The following DUS2 variants were observed in gnomAD, a reference collection of about 807,000 sequenced individuals.
DUS2 encodes tRNA-dihydrouridine(20) synthase [NAD(P)+]-like.
Under a neutral mutation model 71.3 loss-of-function variants are expected in DUS2, and 52 were observed. That is an observed-to-expected ratio of 0.73 (90% CI 0.58 to 0.92). The LOEUF is 0.92. Among genes scored for constraint, DUS2 ranks in the 40% least tolerant of loss-of-function variants. DUS2 has a pLI of 0.00. For synonymous variants in DUS2, 204 were observed against 227.8 expected, an observed-to-expected ratio of 0.90 and a Z score of 0.94; for missense variants, 558 against 622.6, an observed-to-expected ratio of 0.90 and a Z score of 1.10.
chr16:68,073,449 CTTTTTTTTTT>C (rs1213508148), intron 12 of DUS2, among the ~76,000 whole-genome samples: 1 of 111,848 alleles, frequency 8.9e-6, no homozygotes, highest in Non-Finnish European at 1.9e-5. Flanking sequence ...TTTTCTTTTT[CTTTTTTTTTT>C]TTTTTTTGAG....
At chr16:68,060,350 G>A (rs980846970) in intron 7 of DUS2, among the ~76,000 whole-genome samples, 2 of 152,112 alleles carry the variant, frequency 1.3e-5, no homozygotes, top group Admixed American at 6.5e-5. Context: ...GTCTTGCCCT[G>A]TCAACCAGGC....
chr16:68,050,837 TC>T (rs1041060883), intron 4 of DUS2, among the ~76,000 whole-genome samples: 39 of 152,338 alleles, frequency 2.6e-4, no homozygotes, highest in African/African-American at 9.1e-4. Context: ...TAACAGGGGT[TC>T]CCAGTATTTT....
Position 68,023,299 on chromosome 16 carries a change from G to T in DUS2, c.-151G>T. 1 of 1,370,268 alleles carries T rather than the reference G, an allele frequency of 7.3e-7. No homozygotes were observed. The highest frequency in any genetic ancestry group is 1.4e-5 in the South Asian group (1 of 70,760). 84.9% of individuals were successfully genotyped at this position (1,370,268 alleles called of 1,614,324 possible). On this transcript the variant is annotated 5_prime_UTR_variant, in exon 1 of 17. Coordinates refer to ENST00000565263, the MANE Select transcript of DUS2 (RefSeq NM_017803.5). The stretch of plus-strand genomic sequence containing the variant: ...GGCGAGGCTCAGTACGGTGTGTGGA[G>T]CTGGAGCACCGTGAGGAAGAAGCGA...
intron 4 of DUS2, among the ~76,000 whole-genome samples, chr16:68,053,213 G>A (rs1443687126): frequency 1.3e-5 from 2 of 152,112 alleles, no homozygotes; most frequent in African/African-American, 2.4e-5. Context: ...CGCCCGCCTC[G>A]GCCTCCCAAG....
intron 2 of DUS2, among the ~76,000 whole-genome samples, chr16:68,033,571 A>T (rs1307457481): frequency 6.7e-6 from 1 of 150,020 alleles, no homozygotes; most frequent in Non-Finnish European, 1.5e-5. Flanking sequence ...TGCAGCCTCA[A>T]CCTCCCAGGC....
intron 10 of DUS2, among the ~76,000 whole-genome samples, chr16:68,069,401 A>G (rs2034053298): frequency 6.6e-6 from 1 of 152,138 alleles, no homozygotes; most frequent in Non-Finnish European, 1.5e-5. Flanking sequence ...AAATAAAAGA[A>G]CAAGAGTATA....
At chr16:68,071,176 T>C (rs1169079874) in intron 12 of DUS2, 68 bp downstream of exon 12, 1 of 1,555,780 alleles carries the variant, frequency 6.4e-7, no homozygotes, top group Non-Finnish European at 8.8e-7. Context: ...GAGAGCACTT[T>C]GTGTGAGCCC....
chr16:68,056,899 T>C (rs1598311015), intron 7 of DUS2, among the ~76,000 whole-genome samples: 1 of 143,588 alleles, frequency 7.0e-6, no homozygotes, highest in East Asian at 2.0e-4. Context: ...TTATATTACA[T>C]ATATATTTAT....
intron 8 of DUS2, among the ~76,000 whole-genome samples, chr16:68,061,471 C>T (rs1386880001): frequency 6.6e-6 from 1 of 152,122 alleles, no homozygotes; most frequent in African/African-American, 2.4e-5. Flanking sequence ...GGCTCAGTGG[C>T]CATATGTGTT....
chr16:68,033,586 G>A (rs1457719086), intron 2 of DUS2, among the ~76,000 whole-genome samples: 1 of 149,860 alleles, frequency 6.7e-6, no homozygotes, highest in African/African-American at 2.5e-5. Flanking sequence ...CCAGGCCCAA[G>A]TGATCCTCCA....
chr16:68,043,874 G>A (rs1452408136), intron 3 of DUS2, among the ~76,000 whole-genome samples: 4 of 152,010 alleles, frequency 2.6e-5, no homozygotes, highest in East Asian at 3.9e-4. Flanking sequence ...CATGTTGGCC[G>A]GGCTTGTATT....
rs753482445 is a variant in DUS2, at chr16:68,075,425, T to C, written c.1003T>C (p.Ser335Pro). The C allele has an allele frequency of 1.2e-6, 2 of 1,613,886 alleles. No homozygotes were observed. The highest frequency in any genetic ancestry group is 3.3e-5 in the Admixed American group (2 of 59,982). Reference sequence around the variant, plus strand: ...GCTGGATGCCCAGCAGGCCAGGCTCTCAGCCAAGACTTCAGAGCAGACAGG... The same window carrying C: ...GCTGGATGCCCAGCAGGCCAGGCTCCCAGCCAAGACTTCAGAGCAGACAGG... ...QELDAQQARL[S>P]AKTSEQTGEP... The change falls in exon 14 of 17, where the codon TCA (serine) becomes CCA (proline). Residue 335 changes from serine to proline, a missense_variant. By Grantham distance (74) the Ser-to-Pro change is moderately conservative. Transcript: ENST00000565263.
intron 2 of DUS2, among the ~76,000 whole-genome samples, chr16:68,031,785 C>G (rs2033443165): frequency 6.6e-6 from 1 of 152,142 alleles, no homozygotes; most frequent in African/African-American, 2.4e-5. Flanking sequence ...ACCTCTGCCT[C>G]CCTGGTTTGA....
chr16:68,024,694 C>G (rs1457165088), intron 1 of DUS2, among the ~76,000 whole-genome samples: 4 of 152,032 alleles, frequency 2.6e-5, no homozygotes, highest in Non-Finnish European at 5.9e-5. Flanking sequence ...TTTTTCTCCA[C>G]AAGAAAATAT....
rs544076357 is a variant in DUS2 at position 68,068,228 on chromosome 16, A to G, written c.554+1592A>G. Among the ~76,000 whole-genome samples the G allele has an allele frequency of 6.6e-5, 10 of 152,312 alleles. No homozygotes were observed. In the South Asian group the frequency reaches 1.9e-3, roughly 28 times the overall value. Reference sequence around the variant, plus strand: ...TTAGGGGTCTTATAGGAAGAGCCCAAGTTGTTGATTGTGCTCTTACAACAT... The same window carrying G: ...TTAGGGGTCTTATAGGAAGAGCCCAGGTTGTTGATTGTGCTCTTACAACAT... On this transcript the variant is annotated intron_variant, in intron 10 of 16. Transcript: ENST00000565263.
intron 7 of DUS2, among the ~76,000 whole-genome samples, chr16:68,058,165 G>A (rs1272102145): frequency 1.3e-5 from 2 of 151,892 alleles, no homozygotes; most frequent in African/African-American, 4.8e-5. Flanking sequence ...GAAGCAGACT[G>A]CAGGATCGAA....
At chr16:68,062,443 G>A (rs2033952457) in intron 8 of DUS2, among the ~76,000 whole-genome samples, 1 of 152,050 alleles carries the variant, frequency 6.6e-6, no homozygotes, top group Admixed American at 6.5e-5. Flanking sequence ...TAGTAGGCCG[G>A]GCGTGGTGGC....
At chr16:68,060,833 G>A (rs573790232) in intron 7 of DUS2, among the ~76,000 whole-genome samples, 1 of 151,996 alleles carries the variant, frequency 6.6e-6, no homozygotes, top group Non-Finnish European at 1.5e-5. Context: ...GGGTGACAGA[G>A]CGAGAATCTG....
At chr16:68,031,354 G>A (rs760211956) in intron 2 of DUS2, among the ~76,000 whole-genome samples, 1 of 151,882 alleles carries the variant, frequency 6.6e-6, no homozygotes, top group Non-Finnish European at 1.5e-5. Flanking sequence ...TAGTAGAGAC[G>A]GGGTTTCACC....
Sources: allele counts gnomAD v4.1 joint callset (sites outside exome capture counted in the v4.1 genomes callset), GRCh38; gene constraint gnomAD v4.1.1; transcripts MANE v1.5; gene names NCBI Gene and HGNC (gene_info 2026-07-23, HGNC 2026-07-21).